ADAMTS3: variants seen among roughly 807,000 people sequenced by gnomAD.
The protein encoded by ADAMTS3 is A disintegrin and metalloproteinase with thrombospondin motifs 3.
Under a neutral mutation model 129.0 loss-of-function variants are expected in ADAMTS3, and 73 were observed. The ratio of observed to expected loss-of-function variants is 0.57; its 90% CI spans 0.47 to 0.69. The LOEUF (loss-of-function observed/expected upper bound fraction) is 0.69, where lower values mean the gene tolerates loss of function less well. Among genes scored for constraint, ADAMTS3 ranks in the 30% least tolerant of loss-of-function variants. The pLI, the probability that ADAMTS3 is intolerant of heterozygous loss-of-function variation, is 0.00. For synonymous variants in ADAMTS3, 477 were observed against 510.8 expected (o/e 0.93, Z 0.89); for missense variants, 1,457 against 1,514.5 (o/e 0.96, Z 0.63).
In ADAMTS3 at chr4:72,525,144, C is replaced by A. The variant is rs1360386122; in HGVS notation, c.504+23334G>T. On this transcript the variant is annotated intron_variant, in intron 3 of 21. Transcript: ENST00000286657. ...TCTCTCCATTCACCTGTTAGGTGCA[C>A]TCACAGCTCCAGAATGGTCCAAGTA... Among the ~76,000 whole-genome samples, 5 of 152,198 alleles carry A rather than the reference C, an allele frequency of 3.3e-5. No individual in the cohort carries two copies. The South Asian group carries it at 1.0e-3, about 31-fold the overall frequency.
At chr4:72,308,853 G>A (rs1234911857) in intron 15 of ADAMTS3, among the ~76,000 whole-genome samples, 1 of 151,872 alleles carries the variant, frequency 6.6e-6, no homozygotes, top group Non-Finnish European at 1.5e-5. Context: ...TACATCTCAG[G>A]TTAGTTTTTG....
chr4:72,375,225 T>C (rs1721106764), intron 4 of ADAMTS3, among the ~76,000 whole-genome samples: 1 of 152,182 alleles, frequency 6.6e-6, no homozygotes, highest in Admixed American at 6.5e-5. Flanking sequence ...GTAAATATGC[T>C]ATTTCATCCT....
intron 17 of ADAMTS3, among the ~76,000 whole-genome samples, chr4:72,302,109 A>G (rs956914973): frequency 2.0e-5 from 3 of 152,114 alleles, no homozygotes; most frequent in Non-Finnish European, 2.9e-5. Flanking sequence ...GAATGATCTG[A>G]CAATAACTTA....
chr4:72,527,702 G>C (rs1257451959), intron 3 of ADAMTS3, among the ~76,000 whole-genome samples: 3 of 152,172 alleles, frequency 2.0e-5, no homozygotes, highest in African/African-American at 7.2e-5. Flanking sequence ...AAACCAAAGA[G>C]ACATGGCTTT....
rs909375425 is a variant in ADAMTS3 at position 72,307,504 on chromosome 4, T to C, written c.2180-1437A>G. The stretch of plus-strand genomic sequence containing the variant: ...AAAGCGCCTCTTGTCTTCCCTTAAA[T>C]AGAATGTCTTTAATTAGTGGAGGGT... On this transcript the variant is annotated intron_variant, in intron 15 of 21. Transcript: ENST00000286657. Among the ~76,000 whole-genome samples, 4 of 152,078 alleles carry C rather than the reference T, an allele frequency of 2.6e-5. No homozygotes were observed. In the East Asian group the frequency reaches 5.8e-4, roughly 22 times the overall value.
intron 3 of ADAMTS3, among the ~76,000 whole-genome samples, chr4:72,465,518 T>G (rs749694693): frequency 2.0e-5 from 3 of 152,010 alleles, no homozygotes; most frequent in Non-Finnish European, 4.4e-5. Context: ...TTACTTGTTT[T>G]AATGTCCACT....
At chr4:72,466,827 C>T (rs867509689) in intron 3 of ADAMTS3, among the ~76,000 whole-genome samples, 22 of 152,112 alleles carry the variant, frequency 1.4e-4, no homozygotes, top group African/African-American at 4.8e-4. Flanking sequence ...ATGGAAAAGG[C>T]TGTAATTTAG....
chr4:72,442,873 T>G (rs1718155518), intron 3 of ADAMTS3, among the ~76,000 whole-genome samples: 1 of 151,698 alleles, frequency 6.6e-6, no homozygotes, highest in Non-Finnish European at 1.5e-5. Context: ...TAGAAAGGGG[T>G]GACAGATATC....
At chr4:72,479,356 A>T (rs1281839239) in intron 3 of ADAMTS3, among the ~76,000 whole-genome samples, 1 of 152,206 alleles carries the variant, frequency 6.6e-6, no homozygotes, top group Admixed American at 6.5e-5. Context: ...ATATAGAACA[A>T]TGGAACAGAA....
chr4:72,532,873 T>C (rs924027513), intron 3 of ADAMTS3, among the ~76,000 whole-genome samples: 4 of 152,168 alleles, frequency 2.6e-5, no homozygotes, highest in Admixed American at 2.6e-4. Context: ...GGTACACATA[T>C]ATAGGGCACT....
intron 10 of ADAMTS3, among the ~76,000 whole-genome samples, chr4:72,317,714 C>T (rs1034473615): frequency 3.3e-5 from 5 of 152,020 alleles, no homozygotes; most frequent in South Asian, 4.1e-4. Context: ...AGATTAAATA[C>T]GGTGCCCAAG....
Position 72,284,025 on chromosome 4 carries a change from C to T in ADAMTS3, c.3050-321G>A, listed in dbSNP as rs190021331. ...GAATGGGCAAAGATAATTTATTTAA[C>T]GTTGTGGTTAAATTTTTAGGATGCA... On this transcript the variant is annotated intron_variant, in intron 21 of 21. Coordinates refer to ENST00000286657, the MANE Select transcript of ADAMTS3 (RefSeq NM_014243.3). Among the ~76,000 whole-genome samples the T allele has an allele frequency of 2.7e-3, 415 of 152,032 alleles. 2 individuals are homozygous for T. Among genetic ancestry groups the T allele is most frequent in the Non-Finnish European group, 3.2e-3 (216 of 67,980 alleles).
chr4:72,379,066 C>G (rs1721209449), intron 4 of ADAMTS3, among the ~76,000 whole-genome samples: 1 of 152,124 alleles, frequency 6.6e-6, no homozygotes, highest in Non-Finnish European at 1.5e-5. Context: ...CCAGTTAGAG[C>G]ATGTCTGTCT....
intron 19 of ADAMTS3, among the ~76,000 whole-genome samples, chr4:72,292,628 C>T (rs530591700): frequency 6.6e-6 from 1 of 152,350 alleles, no homozygotes; most frequent in African/African-American, 2.4e-5. Flanking sequence ...TTCTCCAGTA[C>T]ACATGGTTAC....
intron 3 of ADAMTS3, among the ~76,000 whole-genome samples, chr4:72,484,114 A>T (rs1719515392): frequency 6.6e-6 from 1 of 152,154 alleles, no homozygotes; most frequent in African/African-American, 2.4e-5. Flanking sequence ...CCTCAATCCC[A>T]TCTAATTTAC....
Position 72,548,807 on chromosome 4 carries a change from G to A in ADAMTS3, c.175C>T (p.His59Tyr), listed in dbSNP as rs1721536544. Reference protein sequence around the residue: ...STNLEGRYLSHTLSASHKKRS... With the variant: ...STNLEGRYLSYTLSASHKKRS... ...TTTTTGTGACTCGCAGAAAGAGTAT[G>A]GGAGAGATAGCGTCCTTCTAGATTT... The change falls in exon 3 of 22, where the codon CAT (histidine) becomes TAT (tyrosine). Residue 59 changes from histidine (H) to tyrosine (Y), a missense_variant. By Grantham distance (83) the His-to-Tyr change is moderately conservative. Coordinates refer to ENST00000286657, the MANE Select transcript of ADAMTS3 (RefSeq NM_014243.3). The A allele has an allele frequency of 6.2e-7, 1 of 1,613,906 alleles. No individual in the cohort carries two copies. Among genetic ancestry groups the A allele is most frequent in the Non-Finnish European group, 8.5e-7 (1 of 1,179,854 alleles).
chr4:72,568,630 G>T lies in ADAMTS3; in HGVS notation c.69+64C>A, dbSNP rs1722083159. On this transcript the variant is annotated intron_variant, in intron 1 of 21. Transcript: ENST00000286657. ...GAGGAAAGAGAGGAGGGTAGAGAGG[G>T]GAGGAACTTTTCGGGAAAAGGTTGG... 5.5e-6 allele frequency: 7 copies of T among 1,274,090 alleles called. No individual in the cohort carries two copies. The Admixed American group carries it at 1.1e-4, about 20-fold the overall frequency. 78.9% of individuals were successfully genotyped at this position (1,274,090 alleles called of 1,614,324 possible).
chr4:72,466,862 C>A (rs2109989396), intron 3 of ADAMTS3, among the ~76,000 whole-genome samples: 1 of 152,076 alleles, frequency 6.6e-6, no homozygotes, highest in Admixed American at 6.6e-5. Context: ...AAGCTCAATT[C>A]CAAGTTCTAT....
At chr4:72,346,483 A>T (rs1459051299) in intron 4 of ADAMTS3, among the ~76,000 whole-genome samples, 1 of 152,112 alleles carries the variant, frequency 6.6e-6, no homozygotes, top group Admixed American at 6.6e-5. Context: ...TTTGAAAGAG[A>T]TAGTCCTTCA....
Sources: gnomAD v4.1 joint callset for allele counts (sites outside exome capture counted in the v4.1 genomes callset) on GRCh38, gnomAD v4.1.1 for gene constraint, MANE v1.5 for transcripts, NCBI Gene and HGNC (gene_info 2026-07-23, HGNC 2026-07-21) for gene names.